RBFOX3: variants seen among roughly 807,000 people sequenced by gnomAD.
RBFOX3 encodes the protein RNA binding protein fox-1 homolog 3.
RBFOX3 carries 17 observed loss-of-function variants against 48.7 expected under a neutral mutation model. The observed-to-expected ratio is 0.35, with a 90% CI of 0.24 to 0.52. RBFOX3 has a LOEUF of 0.52. Among genes scored for constraint, RBFOX3 ranks in the 20% least tolerant of loss-of-function variants. The pLI is 0.94. For synonymous variants in RBFOX3, 212 were observed against 209.5 expected, an observed-to-expected ratio of 1.01 and a Z score of -0.10; for missense variants, 382 against 497.5, an observed-to-expected ratio of 0.77 and a Z score of 2.21.
chr17:79,290,721 A>G (rs900567678), intron 3 of RBFOX3, among the ~76,000 whole-genome samples: 9 of 152,214 alleles, frequency 5.9e-5, no homozygotes, highest in African/African-American at 2.2e-4. Context: ...CTGACAAGGC[A>G]GACGGACAGG....
intron 4 of RBFOX3, among the ~76,000 whole-genome samples, chr17:79,189,715 C>G (rs150742863): frequency 2.0e-5 from 3 of 152,212 alleles, no homozygotes; most frequent in Non-Finnish European, 2.9e-5. Flanking sequence ...GCCCTCACCC[C>G]GTGCTCAGCT....
chr17:79,517,352 G>T (rs1180440874), intron 1 of RBFOX3, among the ~76,000 whole-genome samples: 1 of 151,370 alleles, frequency 6.6e-6, no homozygotes, highest in Non-Finnish European at 1.5e-5. Flanking sequence ...GGCTGAGGCA[G>T]GAGAATCGCT....
At chr17:79,324,861 G>A (rs1397371113) in intron 2 of RBFOX3, among the ~76,000 whole-genome samples, 2 of 152,238 alleles carry the variant, frequency 1.3e-5, no homozygotes, top group Non-Finnish European at 2.9e-5. Context: ...AGCAGGAAGA[G>A]GGCTGAAGAG....
intron 2 of RBFOX3, among the ~76,000 whole-genome samples, chr17:79,378,094 T>C (rs202078729): frequency 2.0e-5 from 3 of 152,128 alleles, no homozygotes; most frequent in Admixed American, 1.3e-4. Flanking sequence ...ACCCCGTGAC[T>C]CCCAACACAG....
chr17:79,473,152 A>G lies in RBFOX3; in HGVS notation c.-175+9302T>C, dbSNP rs1405824850. 6.6e-6 allele frequency among the ~76,000 whole-genome samples: 1 copy of G among 152,270 alleles called. No homozygotes were observed. Among genetic ancestry groups the G allele is most frequent in the Admixed American group, 6.5e-5 (1 of 15,290 alleles). On this transcript the variant is annotated intron_variant, in intron 2 of 14. Transcript: ENST00000693108. This position sits in a 1 kb window ranked among gnomAD's most constrained non-coding sequence, Gnocchi z 4.2. Reference sequence around the variant, plus strand: ...AGACCTAAAACGACTCCTTCAAATGACTAAAAGATTCTAAATGCTTAATTT... The same window carrying G: ...AGACCTAAAACGACTCCTTCAAATGGCTAAAAGATTCTAAATGCTTAATTT...
intron 1 of RBFOX3, among the ~76,000 whole-genome samples, chr17:79,526,394 T>C (rs2086800660): frequency 6.6e-6 from 1 of 152,200 alleles, no homozygotes; most frequent in African/African-American, 2.4e-5. Flanking sequence ...GAACCCAGGA[T>C]AGTCATCATG....
At chr17:79,464,506 C>T (rs1326713136) in intron 2 of RBFOX3, among the ~76,000 whole-genome samples, 1 of 152,100 alleles carries the variant, frequency 6.6e-6, no homozygotes, top group Non-Finnish European at 1.5e-5. Flanking sequence ...CGAGGACAGG[C>T]GACAGATTCC....
At chr17:79,652,614 A>AGGAG in the RBFOX3 span, among the ~76,000 whole-genome samples, 1 of 36,960 alleles carries the variant, frequency 2.7e-5, no homozygotes, top group Non-Finnish European at 1.0e-4. Flanking sequence ...AAGGAAAGGA[A>AGGAG]AGGAAAGGGA....
intron 1 of RBFOX3, among the ~76,000 whole-genome samples, chr17:79,493,818 C>A (rs2081047844): frequency 6.6e-6 from 1 of 152,158 alleles, no homozygotes; most frequent in Admixed American, 6.5e-5. Context: ...CCTGGAGGCC[C>A]AGTTCAACTG....
At chr17:79,522,566 C>G (rs1480744767) in intron 1 of RBFOX3, among the ~76,000 whole-genome samples, 1 of 152,008 alleles carries the variant, frequency 6.6e-6, no homozygotes, top group Non-Finnish European at 1.5e-5. Context: ...TCCTCTCACC[C>G]GACACACACA....
At chr17:79,143,580 C>T (rs561915679) in intron 4 of RBFOX3, among the ~76,000 whole-genome samples, 5 of 152,292 alleles carry the variant, frequency 3.3e-5, no homozygotes, top group Admixed American at 2.6e-4. Flanking sequence ...CCACCAGAAT[C>T]GGGGTTCTCC....
At chr17:79,157,714 T>G (rs1675264) in intron 4 of RBFOX3, among the ~76,000 whole-genome samples, 96,434 of 152,088 alleles carry the variant, frequency 0.63, 32,794 homozygotes, top group Non-Finnish European at 0.76. Flanking sequence ...AGGCCCACGC[T>G]GTCCCCACCA....
chr17:79,618,812 T>C, the RBFOX3 span, among the ~76,000 whole-genome samples: 1 of 152,186 alleles, frequency 6.6e-6, no homozygotes, highest in Non-Finnish European at 1.5e-5. Context: ...CCTCTCAATA[T>C]CCTGCATCTC....
chr17:79,177,340 G>A (rs1462012641), intron 4 of RBFOX3, among the ~76,000 whole-genome samples: 1 of 152,218 alleles, frequency 6.6e-6, no homozygotes, highest in Non-Finnish European at 1.5e-5. Flanking sequence ...CTCCTCCAAG[G>A]ACGGCAGCCG....
At chr17:79,490,720 T>TAGAG (rs59694667) in intron 1 of RBFOX3, among the ~76,000 whole-genome samples, 17,436 of 144,122 alleles carry the variant, frequency 0.12, 1,518 homozygotes, top group East Asian at 0.49. Flanking sequence ...GCCTGCAGTG[T>TAGAG]AGAGAGAGAG....
At chr17:79,313,718 G>A (rs939421596) in intron 2 of RBFOX3, among the ~76,000 whole-genome samples, 3 of 152,198 alleles carry the variant, frequency 2.0e-5, no homozygotes, top group African/African-American at 7.2e-5. Flanking sequence ...ATCCTTGGGG[G>A]CTGTGGCTTC....
chr17:79,538,238 G>T (rs1466718514), intron 1 of RBFOX3, among the ~76,000 whole-genome samples: 1 of 152,248 alleles, frequency 6.6e-6, no homozygotes, highest in Non-Finnish European at 1.5e-5. Flanking sequence ...CAGGCTGATG[G>T]CCCTATGGCA....
intron 2 of RBFOX3, among the ~76,000 whole-genome samples, chr17:79,315,478 C>A (rs960172009): frequency 7.2e-5 from 11 of 152,240 alleles, no homozygotes; most frequent in Non-Finnish European, 1.6e-4. Context: ...CTCTCCCATC[C>A]CCCGACAGAT....
upstream of RBFOX3, among the ~76,000 whole-genome samples, chr17:79,612,803 A>G (rs1599294343): frequency 6.6e-6 from 1 of 151,480 alleles, no homozygotes; most frequent in African/African-American, 2.4e-5. Context: ...GTGGCCTCCA[A>G]CTCCCGGCTG....
Sources: gnomAD v4.1 joint callset for allele counts (sites outside exome capture counted in the v4.1 genomes callset) on GRCh38, gnomAD v4.1.1 for gene constraint, Gnocchi (gnomAD v3.1) non-coding constraint, MANE v1.5 for transcripts, NCBI Gene and HGNC (gene_info 2026-07-23, HGNC 2026-07-21) for gene names.